RNF130: variants seen among roughly 807,000 people sequenced by gnomAD.
The protein encoded by RNF130 is ring finger protein 130, also known as E3 ubiquitin-protein ligase RNF130.
Under a neutral mutation model 44.6 loss-of-function variants are expected in RNF130, and 21 were observed. The ratio of observed to expected loss-of-function variants is 0.47; its 90% confidence interval spans 0.33 to 0.68. The LOEUF (loss-of-function observed/expected upper bound fraction) is 0.68, where lower values mean the gene tolerates loss of function less well. Ranked by LOEUF, RNF130 falls within the 30% of genes least tolerant of loss-of-function variation. The pLI, the probability that RNF130 is intolerant of heterozygous loss-of-function variation, is 0.02. For missense variants in RNF130, 479 were observed against 560.6 expected, an observed-to-expected ratio of 0.85 and a Z score of 1.47; for synonymous variants, 214 against 210.4, an observed-to-expected ratio of 1.02 and a Z score of -0.15.
intron 3 of RNF130, among the ~76,000 whole-genome samples, chr5:180,012,284 C>T (rs995704049): frequency 1.3e-5 from 2 of 152,138 alleles, no homozygotes; most frequent in Non-Finnish European, 2.9e-5. Flanking sequence ...GAGAAGACAG[C>T]GTTATACAAA....
At position 180,029,852 on chromosome 5, in the gene RNF130, C is replaced by CTTT. The variant is rs11397024; in HGVS notation, c.442+10598_442+10600dup. On this transcript the variant is annotated intron_variant, in intron 2 of 8. Coordinates refer to ENST00000521389, the MANE Select transcript of RNF130 (RefSeq NM_018434.6). ...CACCATGCCTGGCCACTATCCACCT[C>CTTT]TTTTTTTTTTTTTTGAGACAAGGTC... 3.0e-3 allele frequency among the ~76,000 whole-genome samples: 433 copies of CTTT among 144,314 alleles called. 3 individuals are homozygous for CTTT. Among genetic ancestry groups the CTTT allele is most frequent in the East Asian group, 0.013 (63 of 4,926 alleles). 94.7% of individuals were successfully genotyped at this position (144,314 alleles called of 152,430 possible).
At chr5:179,995,762 G>A (rs1374775262) in intron 3 of RNF130, among the ~76,000 whole-genome samples, 1 of 152,188 alleles carries the variant, frequency 6.6e-6, no homozygotes, top group African/African-American at 2.4e-5. Flanking sequence ...TCCTGTATTG[G>A]GGATTTTCTG....
At chr5:180,012,571 T>C (rs1582187382) in intron 3 of RNF130, among the ~76,000 whole-genome samples, 1 of 152,270 alleles carries the variant, frequency 6.6e-6, no homozygotes, top group Non-Finnish European at 1.5e-5. Flanking sequence ...CTATTGGTCT[T>C]CCCCCACTCA....
intron 1 of RNF130, among the ~76,000 whole-genome samples, chr5:180,067,725 A>G (rs897322911): frequency 2.0e-5 from 3 of 152,172 alleles, no homozygotes; most frequent in African/African-American, 7.2e-5. Flanking sequence ...CTGAATGTTC[A>G]GAGACCCTGC....
At chr5:179,945,056 C>T (rs1236381636) in intron 7 of RNF130, among the ~76,000 whole-genome samples, 2 of 152,156 alleles carry the variant, frequency 1.3e-5, no homozygotes, top group Non-Finnish European at 2.9e-5. Flanking sequence ...GCGGGTGGAT[C>T]GCTTGAGGCC....
rs962515957 is a variant in RNF130 at position 179,926,647 on chromosome 5, C to A, written c.1151-6221G>T. ...TGGGCGACAGAACAAGACTCCATCT[C>A]AAAAAAATAAAATAAATAAATAAAT... On this transcript the variant is annotated intron_variant, in intron 7 of 7. Transcript: ENST00000522208. Among the ~76,000 whole-genome samples the A allele has an allele frequency of 8.6e-5, 13 of 152,038 alleles. No individual in the cohort carries two copies. In the South Asian group the frequency reaches 1.7e-3, roughly 19 times the overall value.
intron 3 of RNF130, among the ~76,000 whole-genome samples, chr5:179,984,811 C>G (rs1762918615): frequency 6.6e-6 from 1 of 152,092 alleles, no homozygotes; most frequent in Admixed American, 6.6e-5. Context: ...AAATTAAAAT[C>G]TGAAATGCTC....
At chr5:180,006,520 C>A (rs1561689421) in intron 3 of RNF130, among the ~76,000 whole-genome samples, 2 of 152,136 alleles carry the variant, frequency 1.3e-5, no homozygotes, top group African/African-American at 4.8e-5. Flanking sequence ...ATTATATACA[C>A]ATGTTATGGC....
chr5:180,051,585 C>T (rs1764689065), intron 1 of RNF130, among the ~76,000 whole-genome samples: 1 of 152,132 alleles, frequency 6.6e-6, no homozygotes, highest in South Asian at 2.1e-4. Flanking sequence ...CTTCTGGACA[C>T]CTAAATGCTG....
chr5:180,022,689 G>A (rs1582197493), intron 2 of RNF130, among the ~76,000 whole-genome samples: 2 of 152,012 alleles, frequency 1.3e-5, no homozygotes, highest in African/African-American at 2.4e-5. Context: ...CTTAAGCCAC[G>A]TCTCCACTTA....
chr5:179,920,259 G>A, exon 8 of RNF130: 1 of 670,370 alleles, frequency 1.5e-6, no homozygotes, highest in South Asian at 1.5e-5. Context: ...AATAAGAAAG[G>A]TGATCAGAAA....
At chr5:179,923,859 T>G (rs1409741222) in intron 7 of RNF130, among the ~76,000 whole-genome samples, 1 of 152,272 alleles carries the variant, frequency 6.6e-6, no homozygotes, top group Non-Finnish European at 1.5e-5. Context: ...TCTTGATTAC[T>G]GTAGCTTTAC....
rs1240505177 is a variant in RNF130 at position 180,071,544 on chromosome 5, C to A, written c.159G>T (p.Thr53=). 2 of 1,409,302 alleles carry A rather than the reference C, an allele frequency of 1.4e-6. No homozygotes were observed. The highest frequency in any genetic ancestry group is 1.7e-5 in the South Asian group (1 of 60,346). The allele number at this position is 1,409,302 out of a possible 1,614,324, so 87.3% of individuals were successfully genotyped here. A position where few individuals can be genotyped will look rare whatever the true frequency, so the allele number is the denominator to read the frequency against. The change falls in exon 1 of 9, where the codon ACG becomes ACT. Residue 53 remains threonine (T), a synonymous_variant. Transcript: ENST00000521389. ...VQEPGRGAPL[T]FRIDRGRYGL... ...CGTAGCGCCCGCGGTCGATGCGAAA[C>A]GTGAGCGGGGCGCCGCGGCCGGGCT... is the stretch of plus-strand genomic sequence containing the variant.
intron 3 of RNF130, among the ~76,000 whole-genome samples, chr5:180,003,942 G>A (rs1763405951): frequency 6.6e-6 from 1 of 152,180 alleles, no homozygotes; most frequent in African/African-American, 2.4e-5. Flanking sequence ...CATACCATGT[G>A]CTAGGTACTG....
chr5:180,055,822 G>T (rs1015174562), intron 1 of RNF130, among the ~76,000 whole-genome samples: 1 of 152,074 alleles, frequency 6.6e-6, no homozygotes, highest in African/African-American at 2.4e-5. Context: ...CGTGGCTCAT[G>T]GCTGTAATCC....
intron 2 of RNF130, among the ~76,000 whole-genome samples, chr5:180,032,005 T>C (rs903672720): frequency 6.6e-6 from 1 of 152,248 alleles, no homozygotes; most frequent in South Asian, 2.1e-4. Context: ...ATTTGTCTAA[T>C]GATCAATAAA....
chr5:179,999,449 T>C (rs930123726), intron 3 of RNF130, among the ~76,000 whole-genome samples: 5 of 151,824 alleles, frequency 3.3e-5, no homozygotes, highest in African/African-American at 1.2e-4. Flanking sequence ...TGGCCGGCCA[T>C]GGTGGCTTAC....
chr5:179,980,779 A>T (rs1455346506), intron 3 of RNF130, among the ~76,000 whole-genome samples: 2 of 152,166 alleles, frequency 1.3e-5, no homozygotes, highest in Non-Finnish European at 2.9e-5. Context: ...AGCTGTTTTC[A>T]TTATCTGTAA....
intron 1 of RNF130, among the ~76,000 whole-genome samples, chr5:180,062,685 T>C (rs1045342204): frequency 2.0e-5 from 3 of 152,192 alleles, no homozygotes; most frequent in African/African-American, 7.2e-5. Flanking sequence ...TTTTTCCAGA[T>C]GAAAAAGACT....
Sources: allele counts gnomAD v4.1 joint callset (sites outside exome capture counted in the v4.1 genomes callset), GRCh38; gene constraint gnomAD v4.1.1; transcripts MANE v1.5; gene names NCBI Gene and HGNC (gene_info 2026-07-23, HGNC 2026-07-21).